The following PDE10A variants were observed in gnomAD, a reference collection of about 807,000 sequenced individuals.
The protein encoded by PDE10A is cAMP and cAMP-inhibited cGMP 3',5'-cyclic phosphodiesterase 10A.
In PDE10A, 39 loss-of-function variants were observed where a neutral mutation model predicts 97.7. The observed-to-expected ratio is 0.40, with a 90% confidence interval of 0.31 to 0.52. PDE10A has a LOEUF of 0.52. PDE10A is among the 20% of genes least tolerant of loss of function. The pLI, the probability that PDE10A is intolerant of heterozygous loss-of-function variation, is 0.56. For synonymous variants in PDE10A, 371 were observed against 376.8 expected (o/e 0.98, Z 0.18); for missense variants, 731 against 1,047.8 (o/e 0.70, Z 4.17).
chr6:165,746,472 T>C (rs1792846017), intron 1 of PDE10A, among the ~76,000 whole-genome samples: 1 of 152,218 alleles, frequency 6.6e-6, no homozygotes, highest in Admixed American at 6.5e-5. Context: ...AGGCCAGCCA[T>C]GAAGCAGCTT....
intron 1 of PDE10A, among the ~76,000 whole-genome samples, chr6:165,830,434 C>T (rs1468468329): frequency 1.3e-5 from 2 of 151,990 alleles, no homozygotes; most frequent in South Asian, 2.1e-4. Context: ...TGGTCCCTTC[C>T]GAAATAACTC....
Position 165,900,547 on chromosome 6 carries a change from T to C in PDE10A, c.-615+86982A>G, listed in dbSNP as rs1782075515. 2.6e-5 allele frequency among the ~76,000 whole-genome samples: 4 copies of C among 152,200 alleles called. No individual in the cohort carries two copies. In the South Asian group the frequency reaches 8.3e-4, roughly 32 times the overall value. On this transcript the variant is annotated intron_variant, in intron 1 of 19. Coordinates refer to the PDE10A transcript ENST00000366882. ...ACACATCATCTCTCTCTCTCTCTCT[T>C]TTGTCCCTCTCTGTCTCTCTCTTTC...
At chr6:165,544,303 G>A (rs908001221) in intron 1 of PDE10A, among the ~76,000 whole-genome samples, 2 of 152,144 alleles carry the variant, frequency 1.3e-5, no homozygotes, top group Non-Finnish European at 2.9e-5. Flanking sequence ...TGTGTATGTA[G>A]TCAGTTTCAC....
intron 1 of PDE10A, chr6:165,948,366 G>T (rs551166508): frequency 2.0e-5 from 3 of 152,196 alleles, no homozygotes; most frequent in Non-Finnish European, 4.4e-5. Flanking sequence ...AAGAGTTATT[G>T]ATTCTCCCTT....
At chr6:165,551,690 GGTTATTACACTTTAACAGGAGT>G (rs1441312520) in intron 1 of PDE10A, among the ~76,000 whole-genome samples, 1 of 152,104 alleles carries the variant, frequency 6.6e-6, no homozygotes, top group Non-Finnish European at 1.5e-5. Context: ...TCCCGTCTGA[GGTTATTACACTTTAACAGGAGT>G]GTTATTGGTC....
intron 1 of PDE10A, among the ~76,000 whole-genome samples, chr6:165,746,833 T>C (rs1792854759): frequency 6.6e-6 from 1 of 152,204 alleles, no homozygotes; most frequent in Admixed American, 6.5e-5. Flanking sequence ...TATATAGAAC[T>C]AATGAGTTAT....
intron 5 of PDE10A, among the ~76,000 whole-genome samples, chr6:165,439,815 G>C (rs1790300255): frequency 1.3e-5 from 2 of 152,164 alleles, no homozygotes; most frequent in African/African-American, 2.4e-5. Flanking sequence ...GAAATAAATA[G>C]ATTTGGTGGA....
intron 1 of PDE10A, among the ~76,000 whole-genome samples, chr6:165,879,061 T>C (rs1781413169): frequency 6.6e-6 from 1 of 152,230 alleles, no homozygotes; most frequent in Admixed American, 6.5e-5. Context: ...TAGACACTGA[T>C]GCAGATGTCA....
chr6:165,645,853 C>CAAAAAAAAAAAAAAAA (rs57923490), intron 1 of PDE10A, among the ~76,000 whole-genome samples: 5 of 101,246 alleles, frequency 4.9e-5, no homozygotes, highest in Admixed American at 1.1e-4. Flanking sequence ...GACTCCATCT[C>CAAAAAAAAAAAAAAAA]AAAAAAAAAA....
intron 1 of PDE10A, among the ~76,000 whole-genome samples, chr6:165,987,203 C>T (rs748366175): frequency 3.9e-4 from 60 of 152,180 alleles, no homozygotes; most frequent in Non-Finnish European, 6.2e-4. Flanking sequence ...CTCTCAAACT[C>T]CTCGGATCAA....
chr6:165,388,089 G>T lies in PDE10A; in HGVS notation c.2610+209C>A, dbSNP rs965109385. 6.6e-6 allele frequency among the ~76,000 whole-genome samples: 1 copy of T among 152,114 alleles called. No homozygotes were observed. The highest frequency in any genetic ancestry group is 1.5e-5 in the Non-Finnish European group (1 of 67,994). ...TAATGTTTAAAAAACAAATGTGATT[G>T]CAAAATACATATATTCAAATTATTT... is the stretch of plus-strand genomic sequence containing the variant. On this transcript the variant is annotated intron_variant, in intron 17 of 21. Coordinates refer to ENST00000539869, the MANE Select transcript of PDE10A (RefSeq NM_001385079.1). This position sits in a 1 kb window ranked among gnomAD's most constrained non-coding sequence, Gnocchi z 4.0.
chr6:165,589,370 G>T (rs1786111300), intron 1 of PDE10A, among the ~76,000 whole-genome samples: 1 of 151,928 alleles, frequency 6.6e-6, no homozygotes, highest in African/African-American at 2.4e-5. Flanking sequence ...AATTTTAGTT[G>T]TTCTCTTAAA....
Position 165,388,268 on chromosome 6 carries a change from C to A in PDE10A, c.2610+30G>T. The A allele has an allele frequency of 6.2e-7, 1 of 1,610,684 alleles. No individual in the cohort carries two copies. Among genetic ancestry groups the A allele is most frequent in the Non-Finnish European group, 8.5e-7 (1 of 1,177,248 alleles). ...CCTATCTCCCAGACAGCCCTTCAGA[C>A]TAAGCGAGAGACGGCGTGCAGTGAC... is the stretch of plus-strand genomic sequence containing the variant. On this transcript the variant is annotated intron_variant, in intron 17 of 21. Transcript: ENST00000539869. The surrounding 1 kb of genome is among the most constrained non-coding windows in gnomAD (Gnocchi z 4.0).
At chr6:165,440,744 C>T (rs1010373176) in intron 5 of PDE10A, among the ~76,000 whole-genome samples, 1 of 151,924 alleles carries the variant, frequency 6.6e-6, no homozygotes, top group African/African-American at 2.4e-5. Context: ...AATAACAAAA[C>T]AACTGTTTAA....
chr6:165,971,392 C>T (rs1362700175), intron 1 of PDE10A, among the ~76,000 whole-genome samples: 4 of 152,168 alleles, frequency 2.6e-5, no homozygotes, highest in African/African-American at 9.7e-5. Context: ...ACACACTGGA[C>T]GACCTCACTT....
chr6:165,682,201 C>A (rs998205671), intron 1 of PDE10A, among the ~76,000 whole-genome samples: 1 of 152,136 alleles, frequency 6.6e-6, no homozygotes, highest in South Asian at 2.1e-4. Context: ...GCTGCGATCA[C>A]GGCTCACTGC....
rs71029562 is a variant in PDE10A at position 165,748,808 on chromosome 6, T to TTGTGTG, written c.-614-205246_-614-205241dup. Among the ~76,000 whole-genome samples the TTGTGTG allele has an allele frequency of 2.8e-3, 420 of 147,698 alleles. 2 individuals carry two copies. Among genetic ancestry groups the TTGTGTG allele is most frequent in the East Asian group, 0.026 (127 of 4,974 alleles). On this transcript the variant is annotated intron_variant, in intron 1 of 19. Coordinates refer to the PDE10A transcript ENST00000366882. ...TCAGTGCCAAATTATAGAAAGAAGT[T>TTGTGTG]TGTGTGTGTGTGTGTGTGTGTGTGT...
intron 1 of PDE10A, among the ~76,000 whole-genome samples, chr6:165,603,197 G>C (rs538771583): frequency 6.6e-6 from 1 of 152,126 alleles, no homozygotes; most frequent in Non-Finnish European, 1.5e-5. Context: ...CGTACAATAG[G>C]GGCCATGAAG....
intron 1 of PDE10A, among the ~76,000 whole-genome samples, chr6:165,900,055 G>T (rs1437553164): frequency 2.0e-5 from 3 of 152,216 alleles, no homozygotes; most frequent in South Asian, 4.1e-4. Flanking sequence ...ACTCCCACAG[G>T]TTCGCTGGTG....
Sources: allele counts gnomAD v4.1 joint callset (sites outside exome capture counted in the v4.1 genomes callset), GRCh38; gene constraint gnomAD v4.1.1; non-coding constraint Gnocchi (gnomAD v3.1); transcripts MANE v1.5; gene names NCBI Gene and HGNC (gene_info 2026-07-23, HGNC 2026-07-21).